NUBPL: variants seen among roughly 807,000 people sequenced by gnomAD.
The protein encoded by NUBPL is iron-sulfur cluster transfer protein NUBPL.
NUBPL carries 31 observed loss-of-function variants against 45.7 expected under a neutral mutation model. The ratio of observed to expected loss-of-function variants is 0.68; its 90% CI spans 0.51 to 0.92. The LOEUF is 0.92. Among genes scored for constraint, NUBPL ranks in the 40% least tolerant of loss-of-function variants. The pLI is 0.00. For missense variants in NUBPL, 401 were observed against 398.7 expected (o/e 1.01, Z -0.05); for synonymous variants, 144 against 140.9 (o/e 1.02, Z -0.15).
At chr14:31,622,658 A>G (rs2035096115) in intron 4 of NUBPL, among the ~76,000 whole-genome samples, 1 of 152,224 alleles carries the variant, frequency 6.6e-6, no homozygotes, top group Non-Finnish European at 1.5e-5. Context: ...CAGAGGGTGC[A>G]CACTCCAAAT....
intron 7 of NUBPL, among the ~76,000 whole-genome samples, chr14:31,798,159 C>A (rs2138852608): frequency 6.6e-6 from 1 of 152,164 alleles, no homozygotes; most frequent in East Asian, 1.9e-4. Flanking sequence ...CTGATTCATT[C>A]CTATGAGTGC....
chr14:31,834,646 G>T (rs568771090), intron 8 of NUBPL, among the ~76,000 whole-genome samples: 7 of 152,198 alleles, frequency 4.6e-5, no homozygotes, highest in African/African-American at 1.7e-4. Flanking sequence ...CTTTCCCCAG[G>T]CTCTCTCAGA....
intron 7 of NUBPL, among the ~76,000 whole-genome samples, chr14:31,801,620 G>A (rs1223272559): frequency 1.3e-5 from 2 of 152,154 alleles, no homozygotes; most frequent in African/African-American, 4.8e-5. Flanking sequence ...AGCATATTTT[G>A]TGTAATGGGG....
At chr14:31,817,976 C>G (rs1460494625) in intron 7 of NUBPL, among the ~76,000 whole-genome samples, 1 of 151,062 alleles carries the variant, frequency 6.6e-6, no homozygotes, top group African/African-American at 2.4e-5. Context: ...ACTTACCAAG[C>G]AAATAAAAAG....
At chr14:31,634,409 G>A (rs181852517) in intron 4 of NUBPL, among the ~76,000 whole-genome samples, 13,321 of 151,578 alleles carry the variant, frequency 0.088, 738 homozygotes, top group African/African-American at 0.15. Flanking sequence ...CCCTACAAAG[G>A]ACATGAACTC....
chr14:31,702,033 A>G (rs1289899886), intron 6 of NUBPL, among the ~76,000 whole-genome samples: 1 of 152,122 alleles, frequency 6.6e-6, no homozygotes, highest in African/African-American at 2.4e-5. Flanking sequence ...GGTTCCCAAG[A>G]TCACCCTTAA....
In NUBPL at chr14:31,838,089, A is replaced by C. The variant is rs149783886; in HGVS notation, c.694-8382A>C. Reference sequence around the variant, plus strand: ...CAAGTAAACGGTTGAACAAGCCAGCACAATGAGAGTCTACTACACATTCAT... The same window carrying C: ...CAAGTAAACGGTTGAACAAGCCAGCCCAATGAGAGTCTACTACACATTCAT... On this transcript the variant is annotated intron_variant, in intron 8 of 10. Coordinates refer to ENST00000281081, the MANE Select transcript of NUBPL (RefSeq NM_025152.3). Among the ~76,000 whole-genome samples the C allele has an allele frequency of 7.2e-5, 11 of 152,252 alleles. No individual in the cohort carries two copies. The East Asian group carries it at 2.1e-3, about 29-fold the overall frequency.
At chr14:31,656,034 A>G (rs1276684594) in intron 4 of NUBPL, among the ~76,000 whole-genome samples, 1 of 152,162 alleles carries the variant, frequency 6.6e-6, no homozygotes, top group Non-Finnish European at 1.5e-5. Flanking sequence ...ATAACTTGCT[A>G]CACCTTCTAC....
At chr14:31,760,125 T>TTGTGTGTGTGTGTGTGTG in intron 6 of NUBPL, among the ~76,000 whole-genome samples, 1 of 3,084 alleles carries the variant, frequency 3.2e-4, no homozygotes, top group Non-Finnish European at 6.4e-4. Context: ...CTTCTGACTT[T>TTGTGTGTGTGTGTGTGTG]AGTGTGTGTG....
At chr14:31,722,851 A>G (rs1184316039) in intron 6 of NUBPL, among the ~76,000 whole-genome samples, 3 of 152,064 alleles carry the variant, frequency 2.0e-5, no homozygotes, top group Non-Finnish European at 4.4e-5. Context: ...TGTCACATGC[A>G]GAGTTTGTGA....
chr14:31,660,648 ACT>A (rs1190819948), intron 4 of NUBPL, among the ~76,000 whole-genome samples: 2 of 152,076 alleles, frequency 1.3e-5, no homozygotes, highest in Admixed American at 6.6e-5. Flanking sequence ...TCTTGATTAT[ACT>A]CTCTGTCCCC....
chr14:31,848,291 G>A (rs988246748), intron 9 of NUBPL, among the ~76,000 whole-genome samples: 6 of 152,188 alleles, frequency 3.9e-5, no homozygotes. Flanking sequence ...CCCATGAAGT[G>A]GAGCAGGGCT....
intron 6 of NUBPL, among the ~76,000 whole-genome samples, chr14:31,775,134 G>C (rs1053615613): frequency 1.3e-5 from 2 of 152,150 alleles, no homozygotes; most frequent in Non-Finnish European, 1.5e-5. Context: ...GGATCCAAAA[G>C]TGGCTGGGCA....
At chr14:31,686,706 C>T (rs2036960976) in intron 6 of NUBPL, 1 of 152,220 alleles carries the variant, frequency 6.6e-6, no homozygotes, top group African/African-American at 2.4e-5. Context: ...ACATGGAATG[C>T]TTCACAAATT....
chr14:31,617,546 GTCAT>G (rs2034941030), intron 4 of NUBPL, among the ~76,000 whole-genome samples: 2 of 152,174 alleles, frequency 1.3e-5, no homozygotes, highest in African/African-American at 4.8e-5. Flanking sequence ...TGTGGTTTTT[GTCAT>G]TGGTTCTGTT....
chr14:31,596,476 A>T (rs1206681935), intron 3 of NUBPL, among the ~76,000 whole-genome samples: 1 of 138,918 alleles, frequency 7.2e-6, no homozygotes, highest in Non-Finnish European at 1.6e-5. Context: ...TGACATGTGG[A>T]CCAAATCCTG....
intron 10 of NUBPL, among the ~76,000 whole-genome samples, chr14:31,853,366 C>A (rs192492634): frequency 2.3e-3 from 343 of 152,244 alleles, no homozygotes; most frequent in Admixed American, 2.6e-3. Flanking sequence ...TAGACTGATA[C>A]TTTTTATTGT....
intron 6 of NUBPL, among the ~76,000 whole-genome samples, chr14:31,778,010 C>T (rs1374828126): frequency 6.6e-6 from 1 of 152,230 alleles, no homozygotes; most frequent in Non-Finnish European, 1.5e-5. Context: ...GCAGCTCCTT[C>T]ACTAGAGTTA....
At chr14:31,847,207 G>C (rs2040467481) in intron 9 of NUBPL, among the ~76,000 whole-genome samples, 1 of 152,182 alleles carries the variant, frequency 6.6e-6, no homozygotes, top group African/African-American at 2.4e-5. Flanking sequence ...CAGTGTGTTT[G>C]CTAAGTTGGG....
Sources: allele counts gnomAD v4.1 joint callset (sites outside exome capture counted in the v4.1 genomes callset), GRCh38; gene constraint gnomAD v4.1.1; transcripts MANE v1.5; gene names NCBI Gene and HGNC (gene_info 2026-07-23, HGNC 2026-07-21).